The following METTL21C variants were observed in gnomAD, a reference collection of about 807,000 sequenced individuals.
METTL21C encodes methyltransferase 21C, AARS1 lysine, also known as protein-lysine methyltransferase METTL21C.
METTL21C carries 21 observed loss-of-function variants against 25.9 expected under a neutral mutation model. The ratio of observed to expected loss-of-function variants is 0.81; its 90% CI spans 0.58 to 1.17. METTL21C has a LOEUF of 1.17. Among genes scored for constraint, METTL21C ranks in the 50% most tolerant of loss-of-function variants. The pLI is 0.00. For synonymous variants in METTL21C, 125 were observed against 124.7 expected, an observed-to-expected ratio of 1.00 and a Z score of -0.01; for missense variants, 312 against 315.1, an observed-to-expected ratio of 0.99 and a Z score of 0.07.
In METTL21C at chr13:102,692,807, A is replaced by C. The variant is rs112221456; in HGVS notation, c.130+1562T>G. 5.5e-3 allele frequency among the ~76,000 whole-genome samples: 841 copies of C among 152,234 alleles called. 19 individuals carry two copies. Among genetic ancestry groups the C allele is most frequent in the African/African-American group, 0.019 (804 of 41,530 alleles). On this transcript the variant is annotated intron_variant, in intron 1 of 3. Transcript: ENST00000267273. ...TCCTGAGACCTTGTCCTTTGCGGTC[A>C]CCTGCCCTGGTAGGAGGCTGTAGGG...
At chr13:102,701,367 G>GAAGGAA in the METTL21C span, among the ~76,000 whole-genome samples, 3 of 152,078 alleles carry the variant, frequency 2.0e-5, no homozygotes, top group African/African-American at 7.2e-5. Context: ...CCAGGTTCTG[G>GAAGGAA]AAGGAAATGC....
At chr13:102,701,087 C>T in the METTL21C span, among the ~76,000 whole-genome samples, 13 of 152,012 alleles carry the variant, frequency 8.6e-5, no homozygotes, top group East Asian at 3.9e-4. Flanking sequence ...TGCCACAACG[C>T]GGAATTCCTT....
intron 2 of METTL21C, among the ~76,000 whole-genome samples, 173 bp downstream of exon 2, chr13:102,690,620 CCAGTGTTTCTGAAAGAAACA>C (rs1885805049): frequency 6.6e-6 from 1 of 151,826 alleles, no homozygotes; most frequent in African/African-American, 2.4e-5. Flanking sequence ...TGAAGCAAAA[CCAGTGTTTCTGAAAGAAACA>C]CTGTTTTTGC....
In METTL21C at chr13:102,694,898, TCTCACACACACACACACACACA is replaced by T. The variant is rs1331391095; in HGVS notation, c.-422_-401del. Among the ~76,000 whole-genome samples the T allele has an allele frequency of 2.8e-5, 4 of 141,654 alleles. No individual in the cohort carries two copies. The South Asian group carries it at 7.1e-4, about 25-fold the overall frequency. 92.9% of individuals were successfully genotyped at this position (141,654 alleles called of 152,430 possible). On this transcript the variant is annotated 5_prime_UTR_variant, in exon 1 of 4. An upstream open reading frame in the 5' UTR loses its in-frame stop. Transcript: ENST00000267273. ...TTCTCTCTCTCTCTCTCTCTCTCTC[TCTCACACACACACACACACACA>T]CACACACACGCACAGTCCTAGCAAC...
chr13:102,685,972 CA>C lies in METTL21C; in HGVS notation c.*58del, dbSNP rs1216505719. ...CTGTGAAAGAAGTCTATTACCAAAG[CA>C]ATTTCTAACACATTGCTCAAAAGAC... is the stretch of plus-strand genomic sequence containing the variant. On this transcript the variant is annotated 3_prime_UTR_variant, in exon 4 of 4. Transcript: ENST00000267273. 4 of 1,504,758 alleles carry C rather than the reference CA, an allele frequency of 2.7e-6. No individual in the cohort carries two copies. In the African/African-American group the frequency reaches 5.6e-5, roughly 21 times the overall value. The allele number at this position is 1,504,758 out of a possible 1,614,324, so 93.2% of individuals were successfully genotyped here.
At chr13:102,701,581 T>G in the METTL21C span, among the ~76,000 whole-genome samples, 1 of 152,140 alleles carries the variant, frequency 6.6e-6, no homozygotes, top group South Asian at 2.1e-4. Context: ...AGGTTTGTTA[T>G]CACACATACT....
At chr13:102,693,899 C>T (rs1885888141) in intron 1 of METTL21C, among the ~76,000 whole-genome samples, 1 of 152,116 alleles carries the variant, frequency 6.6e-6, no homozygotes. Context: ...TTTATTAGAT[C>T]ATTTGTTATG....
chr13:102,693,150 A>G (rs1224828412), intron 1 of METTL21C, among the ~76,000 whole-genome samples: 3 of 150,238 alleles, frequency 2.0e-5, no homozygotes, highest in Admixed American at 6.6e-5. Context: ...TTCCTACCGT[A>G]CAGACACCAC....
At chr13:102,695,884 C>A (rs368761282), upstream of METTL21C, among the ~76,000 whole-genome samples, 129 of 152,290 alleles carry the variant, frequency 8.5e-4, no homozygotes, top group African/African-American at 2.4e-3. Context: ...TCTACAAAAA[C>A]CTTTTAAAAA....
At position 102,694,924 on chromosome 13, in the gene METTL21C, A is replaced by ACACACACACG. The variant is rs1885921349; in HGVS notation, c.-427_-426insCGTGTGTGTG. 6.6e-6 allele frequency among the ~76,000 whole-genome samples: 1 copy of ACACACACACG among 151,364 alleles called. No homozygotes were observed. Among genetic ancestry groups the ACACACACACG allele is most frequent in the African/African-American group, 2.4e-5 (1 of 41,112 alleles). On this transcript the variant is annotated 5_prime_UTR_variant, in exon 1 of 4. An upstream open reading frame in the 5' UTR loses its in-frame stop. Transcript: ENST00000267273. ...CTCACACACACACACACACACACACACACACGCACAGTCCTAGCAACATTC... is the reference window on the plus strand; with the variant it reads ...CTCACACACACACACACACACACACACACACACACGCACACGCACAGTCCTAGCAACATTC...
At chr13:102,703,067 T>G in the METTL21C span, among the ~76,000 whole-genome samples, 1 of 152,216 alleles carries the variant, frequency 6.6e-6, no homozygotes, top group Non-Finnish European at 1.5e-5. Context: ...GAGAGACAGC[T>G]TCAAATAAAT....
chr13:102,689,276 T>C (rs1042656407), intron 2 of METTL21C, among the ~76,000 whole-genome samples: 1 of 152,222 alleles, frequency 6.6e-6, no homozygotes, highest in Admixed American at 6.5e-5. Context: ...TGCTGTCGTC[T>C]ATTTGCTGAA....
At chr13:102,693,619 T>C (rs1172640814) in intron 1 of METTL21C, among the ~76,000 whole-genome samples, 1 of 152,220 alleles carries the variant, frequency 6.6e-6, no homozygotes, top group Non-Finnish European at 1.5e-5. Context: ...CAATCAACAT[T>C]GTAAGGAAAC....
upstream of METTL21C, among the ~76,000 whole-genome samples, chr13:102,696,761 C>G (rs1199083188): frequency 6.6e-6 from 1 of 152,114 alleles, no homozygotes; most frequent in African/African-American, 2.4e-5. Context: ...GAGAAGGAAC[C>G]AAGAAGTCTG....
intron 2 of METTL21C, 48 bp from the exon 3 acceptor site, chr13:102,687,105 C>T (rs1247131125): frequency 7.2e-7 from 1 of 1,382,536 alleles, no homozygotes; most frequent in Non-Finnish European, 1.0e-6. Flanking sequence ...ACATTGGAAA[C>T]CAGTAGCAAC....
upstream of METTL21C, among the ~76,000 whole-genome samples, chr13:102,697,166 G>A (rs1885960609): frequency 6.6e-6 from 1 of 152,072 alleles, no homozygotes; most frequent in East Asian, 1.9e-4. Context: ...ATACAAGATT[G>A]GATCAAAGGC....
At chr13:102,702,510 C>A in the METTL21C span, among the ~76,000 whole-genome samples, 4 of 151,868 alleles carry the variant, frequency 2.6e-5, no homozygotes, top group Non-Finnish European at 1.5e-5. Flanking sequence ...ATAGAATATG[C>A]AATAAATTCT....
intron 2 of METTL21C, among the ~76,000 whole-genome samples, chr13:102,690,137 C>T (rs1023129054): frequency 1.3e-5 from 2 of 152,080 alleles, no homozygotes; most frequent in Non-Finnish European, 2.9e-5. Flanking sequence ...GAATGGCTGG[C>T]CGGCCGGGCG....
rs1885654732 is a variant in METTL21C at position 102,685,959 on chromosome 13, T to C, written c.*72A>G. 1.4e-6 allele frequency: 2 copies of C among 1,464,182 alleles called. No homozygotes were observed. Among genetic ancestry groups the C allele is most frequent in the Non-Finnish European group, 1.8e-6 (2 of 1,090,236 alleles). 90.7% of individuals were successfully genotyped at this position (1,464,182 alleles called of 1,614,324 possible). ...TACCTTCTCAATCCTGTGAAAGAAG[T>C]CTATTACCAAAGCAATTTCTAACAC... On this transcript the variant is annotated 3_prime_UTR_variant, in exon 4 of 4. Coordinates refer to ENST00000267273, the MANE Select transcript of METTL21C (RefSeq NM_001010977.3).
Sources: gnomAD v4.1 joint callset for allele counts (sites outside exome capture counted in the v4.1 genomes callset) on GRCh38, gnomAD v4.1.1 for gene constraint, MANE v1.5 for transcripts, NCBI Gene and HGNC (gene_info 2026-07-23, HGNC 2026-07-21) for gene names.